The following TRIM2 variants were observed in gnomAD, a reference collection of about 807,000 sequenced individuals.
TRIM2 encodes the protein tripartite motif containing 2, also known as tripartite motif-containing protein 2.
Under a neutral mutation model 75.2 loss-of-function variants are expected in TRIM2, and 20 were observed. The observed-to-expected ratio is 0.27, with a 90% CI of 0.19 to 0.39. The LOEUF is 0.39. TRIM2 is among the 10% of genes least tolerant of loss of function. The pLI, the probability that TRIM2 is intolerant of heterozygous loss-of-function variation, is 1.00. For synonymous variants in TRIM2, 373 were observed against 388.3 expected, an observed-to-expected ratio of 0.96 and a Z score of 0.46; for missense variants, 660 against 990.8, an observed-to-expected ratio of 0.67 and a Z score of 4.48.
intron 8 of TRIM2, among the ~76,000 whole-genome samples, chr4:153,321,072 C>T (rs1407418034): frequency 1.3e-5 from 2 of 152,204 alleles, no homozygotes; most frequent in African/African-American, 2.4e-5. Flanking sequence ...GGTGGTCCTT[C>T]GCCTTCCTTG....
intron 1 of TRIM2, among the ~76,000 whole-genome samples, chr4:153,227,428 G>C (rs1742438012): frequency 6.6e-6 from 1 of 152,010 alleles, no homozygotes; most frequent in African/African-American, 2.4e-5. Flanking sequence ...GATGAGATCG[G>C]GTCTCTTTAA....
At chr4:153,194,872 C>T (rs553341053) in intron 1 of TRIM2, among the ~76,000 whole-genome samples, 41 of 152,260 alleles carry the variant, frequency 2.7e-4, no homozygotes, top group African/African-American at 8.9e-4. Context: ...GGATTGATTA[C>T]ACTTATTTCT....
intron 1 of TRIM2, among the ~76,000 whole-genome samples, chr4:153,233,775 G>T (rs1378793100): frequency 3.3e-5 from 5 of 152,142 alleles, no homozygotes; most frequent in Non-Finnish European, 7.3e-5. Context: ...TACATTCAGG[G>T]TCTATGATAT....
chr4:153,332,517 T>C lies in TRIM2; in HGVS notation c.2164-2297T>C, dbSNP rs1014557501. 1.4e-4 allele frequency among the ~76,000 whole-genome samples: 21 copies of C among 152,090 alleles called. No individual in the cohort carries two copies. The East Asian group carries it at 3.3e-3, about 24-fold the overall frequency. On this transcript the variant is annotated intron_variant, in intron 11 of 11. Coordinates refer to ENST00000338700, the MANE Select transcript of TRIM2 (RefSeq NM_015271.5). Reference sequence around the variant, plus strand: ...AAAATTAGCTGGGTGTGGTGGTGTGTGCCTGTAATCCCAGCTACTTGGGAG... The same window carrying C: ...AAAATTAGCTGGGTGTGGTGGTGTGCGCCTGTAATCCCAGCTACTTGGGAG...
intron 6 of TRIM2, among the ~76,000 whole-genome samples, chr4:153,313,827 G>C (rs1766919814): frequency 1.3e-5 from 2 of 151,006 alleles, no homozygotes; most frequent in Admixed American, 1.3e-4. Flanking sequence ...AGTAGAGATG[G>C]GGTTTCACCA....
chr4:153,312,627 A>C (rs889769442), intron 6 of TRIM2, among the ~76,000 whole-genome samples: 2 of 152,120 alleles, frequency 1.3e-5, no homozygotes, highest in African/African-American at 4.8e-5. Flanking sequence ...AACTAGTTCA[A>C]CCCTTGTGGA....
chr4:153,215,413 G>C (rs1453270325), intron 1 of TRIM2, among the ~76,000 whole-genome samples: 1 of 152,122 alleles, frequency 6.6e-6, no homozygotes, highest in Non-Finnish European at 1.5e-5. Context: ...TGATGTTGAT[G>C]TGGTGCCGTT....
At chr4:153,233,358 T>C (rs758605996) in intron 1 of TRIM2, among the ~76,000 whole-genome samples, 1 of 151,936 alleles carries the variant, frequency 6.6e-6, no homozygotes, top group Non-Finnish European at 1.5e-5. Flanking sequence ...ATTTAGAAAA[T>C]GGTGTGGGGG....
At chr4:153,156,839 A>C (rs932118338) in intron 1 of TRIM2, 3 of 152,254 alleles carry the variant, frequency 2.0e-5, no homozygotes, top group African/African-American at 7.2e-5. Context: ...GCGGACTAGC[A>C]CTGAGAGTTG....
At position 153,338,711 on chromosome 4, in the gene TRIM2, CTGTT is replaced by C; in HGVS notation, c.*3749_*3752del. The C allele has an allele frequency of 1.0e-6, 1 of 985,710 alleles. No homozygotes were observed. The highest frequency in any genetic ancestry group is 1.2e-6 in the Non-Finnish European group (1 of 829,902). 61.1% of individuals were successfully genotyped at this position (985,710 alleles called of 1,614,324 possible). A position where few individuals can be genotyped will look rare whatever the true frequency, so the allele number is the denominator to read the frequency against. ...GATGAATTGTGTGGCAGTGATTGGT[CTGTT>C]TGTGGAGAATGTATGAAAGCTATTA... On this transcript the variant is annotated 3_prime_UTR_variant, in exon 12 of 12. Transcript: ENST00000338700.
At chr4:153,329,987 A>G (rs1771107192) in intron 11 of TRIM2, among the ~76,000 whole-genome samples, 1 of 152,176 alleles carries the variant, frequency 6.6e-6, no homozygotes, top group African/African-American at 2.4e-5. Flanking sequence ...GACACAAAAT[A>G]CTAATATTAA....
chr4:153,237,951 G>A (rs2149827738), intron 1 of TRIM2, among the ~76,000 whole-genome samples: 1 of 152,252 alleles, frequency 6.6e-6, no homozygotes. Context: ...TTCTGTGGGA[G>A]TGTGTGGTAA....
At position 153,335,003 on chromosome 4, in the gene TRIM2, A is replaced by G. The variant is rs969737644; in HGVS notation, c.*37A>G. 5 of 1,546,874 alleles carry G rather than the reference A, an allele frequency of 3.2e-6. No individual in the cohort carries two copies. The Admixed American group carries it at 5.5e-5, about 17-fold the overall frequency. On this transcript the variant is annotated 3_prime_UTR_variant, in exon 12 of 12. Transcript: ENST00000338700. ...TGGATACCCGCTTCCATGGTCTTGC[A>G]CTATAAACTGGAATGGATTTCTCAA...
chr4:153,187,809 G>A (rs1011462421), intron 1 of TRIM2, among the ~76,000 whole-genome samples: 3 of 152,140 alleles, frequency 2.0e-5, no homozygotes, highest in East Asian at 1.9e-4. Flanking sequence ...TGTTTCAATG[G>A]GGGATTCACA....
At chr4:153,327,633 T>C (rs1355698242) in intron 10 of TRIM2, among the ~76,000 whole-genome samples, 1 of 152,258 alleles carries the variant, frequency 6.6e-6, no homozygotes, top group Non-Finnish European at 1.5e-5. Flanking sequence ...TTATGCTTAC[T>C]ATAGTGTTAT....
At chr4:153,201,032 C>T (rs369620028), upstream of TRIM2, among the ~76,000 whole-genome samples, 1 of 151,858 alleles carries the variant, frequency 6.6e-6, no homozygotes, top group African/African-American at 2.4e-5. Context: ...GGCATGATGT[C>T]AGCTCACTGC....
At position 153,325,811 on chromosome 4, in the gene TRIM2, C is replaced by A. The variant is rs1461260772; in HGVS notation, c.2022+1663C>A. Among the ~76,000 whole-genome samples the A allele has an allele frequency of 2.6e-5, 4 of 152,344 alleles. No individual in the cohort carries two copies. The East Asian group carries it at 7.7e-4, about 29-fold the overall frequency. On this transcript the variant is annotated intron_variant, in intron 10 of 11. Coordinates refer to ENST00000338700, the MANE Select transcript of TRIM2 (RefSeq NM_015271.5). Reference sequence around the variant, plus strand: ...ACTGTGATCTCAGAGCCTTTCCTGTCCAGTGCTCCAGGCAACCTCTAAGAA... The same window carrying A: ...ACTGTGATCTCAGAGCCTTTCCTGTACAGTGCTCCAGGCAACCTCTAAGAA...
At chr4:153,213,787 A>T (rs558036970) in intron 1 of TRIM2, among the ~76,000 whole-genome samples, 175 of 152,244 alleles carry the variant, frequency 1.1e-3, no homozygotes, top group Admixed American at 3.0e-3. Flanking sequence ...CGGCCTCCCA[A>T]AGTGCTGGGA....
chr4:153,294,075 T>C (rs1446737429), intron 4 of TRIM2, among the ~76,000 whole-genome samples: 1 of 152,200 alleles, frequency 6.6e-6, no homozygotes, highest in East Asian at 1.9e-4. Context: ...TTATTAAAAT[T>C]GGACAATTGA....
Sources: allele counts gnomAD v4.1 joint callset (sites outside exome capture counted in the v4.1 genomes callset), GRCh38; gene constraint gnomAD v4.1.1; transcripts MANE v1.5; gene names NCBI Gene and HGNC (gene_info 2026-07-23, HGNC 2026-07-21).